FMN2: variants seen among roughly 807,000 people sequenced by gnomAD.
FMN2 encodes the protein formin-2.
In FMN2, 51 loss-of-function variants were observed where a neutral mutation model predicts 142.3. The ratio of observed to expected loss-of-function variants is 0.36; its 90% CI spans 0.29 to 0.45. The LOEUF is 0.45. Among genes scored for constraint, FMN2 ranks in the 20% least tolerant of loss-of-function variants. The pLI is 1.00. For synonymous variants in FMN2, 882 were observed against 869.8 expected, an observed-to-expected ratio of 1.01 and a Z score of -0.25; for missense variants, 1,936 against 2,122.8, an observed-to-expected ratio of 0.91 and a Z score of 1.73.
intron 2 of FMN2, among the ~76,000 whole-genome samples, chr1:240,165,302 A>C (rs913964963): frequency 8.5e-5 from 13 of 152,154 alleles, no homozygotes; most frequent in African/African-American, 3.1e-4. Flanking sequence ...CAGCCTCCCA[A>C]GTAGCTGGGA....
At chr1:240,194,837 G>A (rs1369494790) in intron 4 of FMN2, among the ~76,000 whole-genome samples, 1 of 152,230 alleles carries the variant, frequency 6.6e-6, no homozygotes, top group African/African-American at 2.4e-5. Context: ...AGCCTGGCTA[G>A]AGCTTGATCA....
intron 2 of FMN2, among the ~76,000 whole-genome samples, chr1:240,125,391 T>A (rs1662453752): frequency 6.6e-6 from 1 of 152,182 alleles, no homozygotes; most frequent in Non-Finnish European, 1.5e-5. Context: ...CTCTTTCTCT[T>A]ATGGGAAAAA....
intron 8 of FMN2, among the ~76,000 whole-genome samples, chr1:240,314,648 A>G (rs953315066): frequency 6.6e-6 from 1 of 152,104 alleles, no homozygotes; most frequent in African/African-American, 2.4e-5. Context: ...CCTTGCCGCT[A>G]TTTTTCCTCA....
At chr1:240,178,431 C>T (rs1444747630) in intron 3 of FMN2, among the ~76,000 whole-genome samples, 3 of 149,374 alleles carry the variant, frequency 2.0e-5, no homozygotes, top group African/African-American at 7.4e-5. Flanking sequence ...TTTTTTCCCC[C>T]CTTCTTCTTC....
intron 2 of FMN2, chr1:240,170,351 T>G: frequency 8.7e-7 from 1 of 1,155,544 alleles, no homozygotes; most frequent in Non-Finnish European, 1.3e-6. Context: ...GAGGGTTGTT[T>G]TCCAGTGATC....
At chr1:240,304,296 T>G (rs1670300049) in intron 8 of FMN2, among the ~76,000 whole-genome samples, 1 of 152,226 alleles carries the variant, frequency 6.6e-6, no homozygotes, top group Non-Finnish European at 1.5e-5. Context: ...AATGTAATTC[T>G]GGAAATCACA....
chr1:240,320,377 A>C (rs979222889), intron 8 of FMN2, among the ~76,000 whole-genome samples: 2 of 152,170 alleles, frequency 1.3e-5, no homozygotes, highest in Non-Finnish European at 2.9e-5. Flanking sequence ...GGCCATAAGG[A>C]AGAATGAGCC....
chr1:240,189,962 A>G (rs943375999), intron 4 of FMN2, among the ~76,000 whole-genome samples: 2 of 152,222 alleles, frequency 1.3e-5, no homozygotes, highest in Non-Finnish European at 2.9e-5. Flanking sequence ...TTCAGGACGT[A>G]TATGAATCAA....
chr1:240,161,647 G>A (rs759172210), intron 2 of FMN2, among the ~76,000 whole-genome samples: 1 of 152,140 alleles, frequency 6.6e-6, no homozygotes, highest in Non-Finnish European at 1.5e-5. Context: ...AACACACAGT[G>A]GAACAGAGTC....
chr1:240,245,409 A>T (rs1558390507), intron 6 of FMN2: 1 of 428,094 alleles, frequency 2.3e-6, no homozygotes, highest in Non-Finnish European at 4.8e-6. Flanking sequence ...AAAGAGAAGA[A>T]TGAAAGACAA....
chr1:240,408,698 TA>T (rs1216137577), intron 15 of FMN2, among the ~76,000 whole-genome samples: 3 of 152,162 alleles, frequency 2.0e-5, no homozygotes, highest in Non-Finnish European at 4.4e-5. Flanking sequence ...ACCATAAAAT[TA>T]TTTTTTTAAT....
intron 13 of FMN2, among the ~76,000 whole-genome samples, chr1:240,353,971 A>C (rs1364265033): frequency 6.6e-6 from 1 of 152,174 alleles, no homozygotes; most frequent in African/African-American, 2.4e-5. Context: ...TTGAGTCTGC[A>C]GAAGATATCA....
rs537856197 is a variant in FMN2, at chr1:240,242,569, G to GT, written c.4066-15374dup. On this transcript the variant is annotated intron_variant, in intron 6 of 17. Coordinates refer to ENST00000319653, the MANE Select transcript of FMN2 (RefSeq NM_020066.5). ...AGTTGAGGAACAACATCCAGATGAT[G>GT]TTACAACCAGGAGACACAGCTCTCC... Among the ~76,000 whole-genome samples, 28 of 152,304 alleles carry GT rather than the reference G, an allele frequency of 1.8e-4. No homozygotes were observed. In the South Asian group the frequency reaches 5.2e-3, roughly 28 times the overall value.
intron 3 of FMN2, among the ~76,000 whole-genome samples, chr1:240,182,965 G>A (rs1024083153): frequency 2.5e-4 from 38 of 150,642 alleles, no homozygotes; most frequent in African/African-American, 9.3e-4. Flanking sequence ...CACCCAGGCT[G>A]GTGTATGGTG....
intron 8 of FMN2, among the ~76,000 whole-genome samples, chr1:240,328,617 T>G (rs1184673473): frequency 1.3e-5 from 2 of 151,586 alleles, no homozygotes; most frequent in Admixed American, 1.3e-4. Flanking sequence ...GAGACAAGAG[T>G]CTTGCTCTGT....
chr1:240,165,404 G>C (rs1294999389), intron 2 of FMN2, among the ~76,000 whole-genome samples: 1 of 152,050 alleles, frequency 6.6e-6, no homozygotes, highest in Non-Finnish European at 1.5e-5. Context: ...TCAAACTGCT[G>C]GACTCAAGCA....
chr1:240,469,914 G>A (rs1676752222), intron 16 of FMN2, among the ~76,000 whole-genome samples: 1 of 152,192 alleles, frequency 6.6e-6, no homozygotes, highest in Non-Finnish European at 1.5e-5. Flanking sequence ...GAATGGATGA[G>A]CTGAAAGATC....
chr1:240,243,863 T>C (rs1456655), intron 6 of FMN2, among the ~76,000 whole-genome samples: 53,791 of 152,034 alleles, frequency 0.35, 9,578 homozygotes, highest in Middle Eastern at 0.47. Flanking sequence ...TTGCCTTTCC[T>C]TCTATTCTTA....
intron 1 of FMN2, among the ~76,000 whole-genome samples, chr1:240,098,408 A>G (rs1661296886): frequency 6.6e-6 from 1 of 152,072 alleles, no homozygotes; most frequent in Non-Finnish European, 1.5e-5. Context: ...TAGAGGGAAG[A>G]ACCCACTCTA....
Sources: allele counts gnomAD v4.1 joint callset (sites outside exome capture counted in the v4.1 genomes callset), GRCh38; gene constraint gnomAD v4.1.1; transcripts MANE v1.5; gene names NCBI Gene and HGNC (gene_info 2026-07-23, HGNC 2026-07-21).